The following RORA variants were observed in gnomAD, a reference collection of about 807,000 sequenced individuals.
RORA encodes nuclear receptor ROR-alpha.
In RORA, 7 loss-of-function variants were observed where a neutral mutation model predicts 69.5. The ratio of observed to expected loss-of-function variants is 0.10; its 90% CI spans 0.06 to 0.19. The LOEUF is 0.19. Among genes scored for constraint, RORA ranks in the 10% least tolerant of loss-of-function variants. The pLI is 1.00. For synonymous variants in RORA, 261 were observed against 240.8 expected, an observed-to-expected ratio of 1.08 and a Z score of -0.78; for missense variants, 457 against 663.0, an observed-to-expected ratio of 0.69 and a Z score of 3.41.
chr15:61,059,306 G>A (rs1220176133), intron 1 of RORA, among the ~76,000 whole-genome samples: 3 of 152,246 alleles, frequency 2.0e-5, no homozygotes, highest in Non-Finnish European at 4.4e-5. Flanking sequence ...CTTGCCTACT[G>A]AGAGAAACAT....
intron 2 of RORA, chr15:60,556,757 T>C (rs1357845742): frequency 1.3e-5 from 11 of 879,132 alleles, no homozygotes; most frequent in South Asian, 1.6e-5. Flanking sequence ...TTTCTGGTTC[T>C]GCGGGAGGCT....
intron 1 of RORA, among the ~76,000 whole-genome samples, chr15:60,966,881 A>G (rs1057303760): frequency 2.6e-5 from 4 of 152,238 alleles, no homozygotes; most frequent in African/African-American, 9.6e-5. Flanking sequence ...CAATTTGAGC[A>G]ACTTGGGACT....
intron 2 of RORA, among the ~76,000 whole-genome samples, chr15:60,672,227 T>C (rs897763377): frequency 6.6e-6 from 1 of 152,184 alleles, no homozygotes; most frequent in Non-Finnish European, 1.5e-5. Flanking sequence ...GGAGGTAGCA[T>C]AGTTGTAAGG....
intron 1 of RORA, among the ~76,000 whole-genome samples, chr15:60,956,384 G>A (rs189452478): frequency 3.0e-4 from 45 of 152,266 alleles, no homozygotes; most frequent in African/African-American, 8.4e-4. Context: ...GGAAGCAGAC[G>A]CCCAGGTAAG....
At chr15:60,842,176 C>T (rs1487796074) in intron 1 of RORA, among the ~76,000 whole-genome samples, 2 of 152,102 alleles carry the variant, frequency 1.3e-5, no homozygotes, top group South Asian at 4.2e-4. Flanking sequence ...GGCCGTCGTC[C>T]ACTTTGCTTG....
chr15:60,542,437 CACAG>C (rs2066902679), intron 2 of RORA, among the ~76,000 whole-genome samples: 1 of 138,744 alleles, frequency 7.2e-6, no homozygotes, highest in African/African-American at 3.5e-5. Context: ...ATGCACACCT[CACAG>C]CACAGCACAC....
chr15:60,760,137 A>C (rs1482252711), intron 1 of RORA, among the ~76,000 whole-genome samples: 1 of 150,698 alleles, frequency 6.6e-6, no homozygotes, highest in Non-Finnish European at 1.5e-5. Flanking sequence ...TCTGAGCTTT[A>C]AAATATTTTT....
intron 1 of RORA, among the ~76,000 whole-genome samples, chr15:60,707,805 T>C (rs992743931): frequency 1.1e-4 from 17 of 152,206 alleles, no homozygotes; most frequent in Admixed American, 9.2e-4. Flanking sequence ...TGTCCAGTTC[T>C]TGGCTGGTAC....
At chr15:61,124,279 A>G (rs1170430112) in intron 1 of RORA, among the ~76,000 whole-genome samples, 1 of 152,370 alleles carries the variant, frequency 6.6e-6, no homozygotes, top group East Asian at 1.9e-4. Flanking sequence ...TAGTGGGTAC[A>G]GCTTATAATA....
intron 1 of RORA, among the ~76,000 whole-genome samples, chr15:60,902,293 T>A (rs900193): frequency 0.61 from 92,259 of 151,280 alleles, 28,452 homozygotes; most frequent in African/African-American, 0.65. Context: ...TTTTTTTTTT[T>A]AAAAAACAGA....
chr15:60,703,833 T>C (rs1443950965), intron 1 of RORA, among the ~76,000 whole-genome samples: 1 of 150,776 alleles, frequency 6.6e-6, no homozygotes, highest in African/African-American at 2.4e-5. Flanking sequence ...ACACAGTACC[T>C]GGGATTTAAG....
chr15:61,155,498 T>C (rs1361784399), intron 1 of RORA, among the ~76,000 whole-genome samples: 6 of 152,154 alleles, frequency 3.9e-5, no homozygotes, highest in Non-Finnish European at 8.8e-5. Context: ...AGAAGGTTAA[T>C]GAACAAAGCT....
In RORA at chr15:61,005,095, G is replaced by C. The variant is rs1187650169; in HGVS notation, c.166+223958C>G. On this transcript the variant is annotated intron_variant, in intron 1 of 10. Transcript: ENST00000335670. Reference sequence around the variant, plus strand: ...GCAGTAGGATGTTCATCACAGCATTGTTTAGCAAATTGATGGAAACAATCT... The same window carrying C: ...GCAGTAGGATGTTCATCACAGCATTCTTTAGCAAATTGATGGAAACAATCT... Among the ~76,000 whole-genome samples, 3 of 152,190 alleles carry C rather than the reference G, an allele frequency of 2.0e-5. No individual in the cohort carries two copies. The East Asian group carries it at 5.8e-4, about 29-fold the overall frequency.
chr15:60,999,467 CAAAT>C (rs1894676585), intron 1 of RORA, among the ~76,000 whole-genome samples: 1 of 152,170 alleles, frequency 6.6e-6, no homozygotes, highest in Non-Finnish European at 1.5e-5. Flanking sequence ...CCTTTGAGGC[CAAAT>C]AAATTAGCTT....
intron 1 of RORA, among the ~76,000 whole-genome samples, chr15:61,221,486 A>G (rs933020418): frequency 2.6e-5 from 4 of 152,188 alleles, no homozygotes; most frequent in African/African-American, 7.2e-5. Context: ...TCTCGTGGCT[A>G]GTTTGACATA....
intron 1 of RORA, among the ~76,000 whole-genome samples, chr15:61,045,626 G>C (rs1445336421): frequency 6.6e-6 from 1 of 152,114 alleles, no homozygotes; most frequent in Admixed American, 6.5e-5. Flanking sequence ...AGGTATAGAG[G>C]GGAGAAGAAG....
intron 1 of RORA, among the ~76,000 whole-genome samples, chr15:61,208,218 C>A (rs1250877788): frequency 6.6e-6 from 1 of 152,172 alleles, no homozygotes; most frequent in Admixed American, 6.6e-5. Context: ...GATTATTCAG[C>A]AACATAAAGG....
chr15:60,600,944 T>C (rs1410728764), intron 2 of RORA: 1 of 152,216 alleles, frequency 6.6e-6, no homozygotes, highest in Non-Finnish European at 1.5e-5. Context: ...AAAAACATTC[T>C]GTACTTTTAT....
chr15:60,946,714 T>A (rs1429438923), intron 1 of RORA, among the ~76,000 whole-genome samples: 1 of 151,590 alleles, frequency 6.6e-6, no homozygotes, highest in Non-Finnish European at 1.5e-5. Flanking sequence ...GAGGAGCGTC[T>A]CTGCCTGGCT....
Sources: gnomAD v4.1 joint callset for allele counts (sites outside exome capture counted in the v4.1 genomes callset) on GRCh38, gnomAD v4.1.1 for gene constraint, MANE v1.5 for transcripts, NCBI Gene and HGNC (gene_info 2026-07-23, HGNC 2026-07-21) for gene names.